KIF6: variants seen among roughly 807,000 people sequenced by gnomAD.
The protein encoded by KIF6 is kinesin-like protein KIF6.
A neutral mutation model predicts 112.7 loss-of-function variants in KIF6; 106 were observed. The observed-to-expected ratio is 0.94, with a 90% CI of 0.80 to 1.11. The LOEUF (loss-of-function observed/expected upper bound fraction) is 1.11, where lower values mean the gene tolerates loss of function less well. KIF6 is among the 50% of genes least tolerant of loss of function. KIF6 has a pLI of 0.00. For missense variants in KIF6, 929 were observed against 964.0 expected (o/e 0.96, Z 0.48); for synonymous variants, 339 against 339.9 (o/e 1.00, Z 0.03).
intron 10 of KIF6, among the ~76,000 whole-genome samples, chr6:39,575,334 G>A (rs546090503): frequency 5.3e-5 from 8 of 151,520 alleles, no homozygotes; most frequent in African/African-American, 9.7e-5. Context: ...GCAGTGGCGC[G>A]ATCTCGGCTC....
At chr6:39,484,404 G>A (rs1774991865) in intron 13 of KIF6, among the ~76,000 whole-genome samples, 1 of 152,120 alleles carries the variant, frequency 6.6e-6, no homozygotes. Flanking sequence ...TGTCATAAAA[G>A]CGACACAAGC....
chr6:39,467,570 T>C (rs1336809351), intron 13 of KIF6, among the ~76,000 whole-genome samples: 1 of 151,864 alleles, frequency 6.6e-6, no homozygotes, highest in African/African-American at 2.4e-5. Flanking sequence ...CCCAAGGCTA[T>C]GCCCTCTGAG....
At chr6:39,657,158 T>C (rs1582383552) in intron 3 of KIF6, among the ~76,000 whole-genome samples, 1 of 150,442 alleles carries the variant, frequency 6.6e-6, no homozygotes, top group South Asian at 2.1e-4. Context: ...GCTTGAACCC[T>C]GGAGGCGGAG....
At chr6:39,444,638 C>T (rs756447515) in intron 13 of KIF6, among the ~76,000 whole-genome samples, 3 of 152,092 alleles carry the variant, frequency 2.0e-5, no homozygotes, top group Non-Finnish European at 4.4e-5. Context: ...CTCTATACCT[C>T]CTCATTTCCC....
intron 13 of KIF6, among the ~76,000 whole-genome samples, chr6:39,539,073 G>C (rs1419632382): frequency 8.7e-6 from 1 of 114,586 alleles, no homozygotes; most frequent in African/African-American, 3.3e-5. Flanking sequence ...GTTGTGGGGT[G>C]GGGGGAGGGG....
chr6:39,651,432 C>CGTCAGT (rs1181745447), intron 3 of KIF6, among the ~76,000 whole-genome samples: 1 of 152,102 alleles, frequency 6.6e-6, no homozygotes, highest in African/African-American at 2.4e-5. Flanking sequence ...AGGTGGCTGC[C>CGTCAGT]GTCAGTGTGG....
At chr6:39,648,411 ATCC>A (rs1244370267) in intron 3 of KIF6, among the ~76,000 whole-genome samples, 2 of 152,140 alleles carry the variant, frequency 1.3e-5, no homozygotes, top group Non-Finnish European at 2.9e-5. Flanking sequence ...GAGACAAGAA[ATCC>A]TCTCTGCTTT....
chr6:39,443,163 T>TAATA (rs1562221596), intron 13 of KIF6, among the ~76,000 whole-genome samples: 15 of 128,568 alleles, frequency 1.2e-4, no homozygotes, highest in African/African-American at 3.9e-4. Context: ...TAATAATAAA[T>TAATA]AAAAATAAAA....
intron 5 of KIF6, among the ~76,000 whole-genome samples, chr6:39,626,427 G>C (rs527298766): frequency 3.9e-5 from 6 of 152,168 alleles, no homozygotes; most frequent in East Asian, 3.9e-4. Flanking sequence ...AGATCTCTTA[G>C]GAAAGAACAC....
At chr6:39,715,946 C>G (rs1283452444) in intron 2 of KIF6, among the ~76,000 whole-genome samples, 1 of 152,132 alleles carries the variant, frequency 6.6e-6, no homozygotes, top group African/African-American at 2.4e-5. Flanking sequence ...TTTCAGAGCA[C>G]TGTGTAGTAT....
At chr6:39,496,812 G>A (rs1219370399) in intron 13 of KIF6, among the ~76,000 whole-genome samples, 2 of 152,152 alleles carry the variant, frequency 1.3e-5, no homozygotes, top group African/African-American at 4.8e-5. Flanking sequence ...TTATGCTTCA[G>A]GAACTCATCT....
At chr6:39,344,374 C>G (rs945468829) in intron 21 of KIF6, among the ~76,000 whole-genome samples, 1 of 152,106 alleles carries the variant, frequency 6.6e-6, no homozygotes, top group African/African-American at 2.4e-5. Flanking sequence ...AGTGTGAAAA[C>G]AGACTAATAC....
intron 16 of KIF6, among the ~76,000 whole-genome samples, chr6:39,363,859 G>A (rs1426878244): frequency 1.3e-5 from 2 of 152,184 alleles, no homozygotes; most frequent in Non-Finnish European, 2.9e-5. Flanking sequence ...TTCTGACAGA[G>A]GGTCATCTGC....
chr6:39,431,085 G>A lies in KIF6; in HGVS notation c.1722C>T (p.Thr574=). The A allele has an allele frequency of 6.2e-7, 1 of 1,612,978 alleles. No homozygotes were observed. The highest frequency in any genetic ancestry group is 8.5e-7 in the Non-Finnish European group (1 of 1,179,066). The change falls in exon 14 of 23, where the codon ACC becomes ACT. Residue 574 remains threonine, a synonymous_variant. Coordinates refer to ENST00000287152, the MANE Select transcript of KIF6 (RefSeq NM_145027.6). ...IFKRDHADSV[T]IDDNKQILKQ... ...TCAGAATCTGTTTGTTGTCATCGAT[G>A]GTAACGCTGTCAGCGTGGTCCCTCT...
chr6:39,675,409 T>C (rs1787070438), intron 3 of KIF6, among the ~76,000 whole-genome samples: 1 of 152,182 alleles, frequency 6.6e-6, no homozygotes, highest in Non-Finnish European at 1.5e-5. Context: ...AAATTTGTAC[T>C]ACCCAAATGT....
intron 13 of KIF6, among the ~76,000 whole-genome samples, chr6:39,466,902 G>A (rs1773824071): frequency 6.6e-6 from 1 of 152,224 alleles, no homozygotes; most frequent in Non-Finnish European, 1.5e-5. Context: ...CATGCCAGGA[G>A]AAGTAAGCTG....
intron 16 of KIF6, among the ~76,000 whole-genome samples, chr6:39,373,096 C>T (rs778296605): frequency 1.3e-5 from 2 of 152,196 alleles, no homozygotes; most frequent in South Asian, 2.1e-4. Flanking sequence ...ATAATACATT[C>T]TAGTCTAGCA....
intron 13 of KIF6, among the ~76,000 whole-genome samples, chr6:39,524,459 A>G (rs754268123): frequency 3.4e-4 from 51 of 152,166 alleles, no homozygotes; most frequent in Admixed American, 1.6e-3. Context: ...GTGATGCGCC[A>G]TCCAGATACC....
At position 39,334,064 on chromosome 6, in the gene KIF6, T is replaced by A. The variant is rs1762828687; in HGVS notation, c.*2468A>T. 1 of 152,266 alleles carries A rather than the reference T, an allele frequency of 6.6e-6. No individual in the cohort carries two copies. Among genetic ancestry groups the A allele is most frequent in the Non-Finnish European group, 1.5e-5 (1 of 68,058 alleles). 9.4% of individuals were successfully genotyped at this position (152,266 alleles called of 1,614,324 possible). ...AGGCTGGGCTTCCATTAGGGGATGT[T>A]CGGAGCAAAAGGCCCCTTGGCCAGT... On this transcript the variant is annotated 3_prime_UTR_variant, in exon 23 of 23. Coordinates refer to ENST00000287152, the MANE Select transcript of KIF6 (RefSeq NM_145027.6).
Sources: gnomAD v4.1 joint callset for allele counts (sites outside exome capture counted in the v4.1 genomes callset) on GRCh38, gnomAD v4.1.1 for gene constraint, MANE v1.5 for transcripts, NCBI Gene and HGNC (gene_info 2026-07-23, HGNC 2026-07-21) for gene names.